Variants in GPATCH2 observed in about 807,000 individuals in gnomAD.
GPATCH2 encodes G-patch domain containing 2.
A neutral mutation model predicts 58.0 loss-of-function variants in GPATCH2; 51 were observed. That is an observed-to-expected ratio of 0.88 (90% confidence interval 0.70 to 1.11). GPATCH2 has a LOEUF of 1.11. Ranked by LOEUF, GPATCH2 falls within the 50% of genes most tolerant of loss-of-function variation. The pLI is 0.00. For synonymous variants in GPATCH2, 222 were observed against 218.5 expected, an observed-to-expected ratio of 1.02 and a Z score of -0.14; for missense variants, 625 against 652.2, an observed-to-expected ratio of 0.96 and a Z score of 0.45.
intron 9 of GPATCH2, among the ~76,000 whole-genome samples, chr1:217,445,643 C>A (rs888405083): frequency 2.0e-5 from 3 of 152,050 alleles, no homozygotes; most frequent in Non-Finnish European, 4.4e-5. Flanking sequence ...ACAAGCTATA[C>A]ATTAAAAAAA....
rs575826606 is a variant in GPATCH2, at chr1:217,598,453, A to T, written c.1098+11868T>A. Among the ~76,000 whole-genome samples, 296 of 147,034 alleles carry T rather than the reference A, an allele frequency of 2.0e-3. 1 individual carries two copies. The highest frequency in any genetic ancestry group is 7.0e-3 in the Middle Eastern group (2 of 286). ...TAAATAACCATCAACATTAAAAAAA[A>T]TTTTTTTTTTTTTGAGACAGAGTCT... On this transcript the variant is annotated intron_variant, in intron 5 of 9. Coordinates refer to ENST00000366935, the MANE Select transcript of GPATCH2 (RefSeq NM_018040.5).
rs750370424 is a variant in GPATCH2 at position 217,620,305 on chromosome 1, G to A, written c.251C>T (p.Thr84Ile). The A allele has an allele frequency of 1.7e-5, 27 of 1,613,960 alleles. No individual in the cohort carries two copies. Among genetic ancestry groups the A allele is most frequent in the Admixed American group, 3.3e-5 (2 of 59,980 alleles). ...AGAGCCTTCACTTAAGCAGTGACCA[G>A]TCTCCCACGGGTGATGCACATTATA... ...RSYNVHHPWE[T>I]GHCLSEGSDS... is the part of the protein sequence containing the mutation. Residue 84 changes from threonine to isoleucine, a missense_variant, in exon 2 of 10, where the codon ACT becomes ATT. Physicochemically the swap from Thr to Ile is moderately conservative, Grantham distance 89. Coordinates refer to ENST00000366935, the MANE Select transcript of GPATCH2 (RefSeq NM_018040.5).
At chr1:217,511,252 G>A (rs981400184) in intron 6 of GPATCH2, among the ~76,000 whole-genome samples, 6 of 152,160 alleles carry the variant, frequency 3.9e-5, no homozygotes, top group South Asian at 2.1e-4. Context: ...TTTACAGCCC[G>A]GAAAGATTTT....
At chr1:217,584,940 G>A (rs985508059) in intron 5 of GPATCH2, among the ~76,000 whole-genome samples, 1 of 150,342 alleles carries the variant, frequency 6.7e-6, no homozygotes, top group African/African-American at 2.4e-5. Flanking sequence ...GACCCAGAAA[G>A]GTAGAAAAAA....
intron 9 of GPATCH2, among the ~76,000 whole-genome samples, chr1:217,439,613 G>T (rs1659036718): frequency 6.6e-6 from 1 of 152,018 alleles, no homozygotes. Context: ...AAAATAGACT[G>T]CTAGTCAGAC....
intron 5 of GPATCH2, among the ~76,000 whole-genome samples, chr1:217,528,757 C>A (rs981405797): frequency 6.6e-6 from 1 of 152,122 alleles, no homozygotes; most frequent in Non-Finnish European, 1.5e-5. Flanking sequence ...GACAGATAGC[C>A]TGAGAGAATG....
intron 8 of GPATCH2, among the ~76,000 whole-genome samples, chr1:217,471,340 C>G (rs1343427485): frequency 6.6e-6 from 1 of 152,096 alleles, no homozygotes; most frequent in Non-Finnish European, 1.5e-5. Context: ...AACAGTTACC[C>G]TATCCTAATT....
At chr1:217,508,485 T>C (rs951877325) in intron 6 of GPATCH2, among the ~76,000 whole-genome samples, 3 of 152,114 alleles carry the variant, frequency 2.0e-5, no homozygotes, top group East Asian at 3.8e-4. Flanking sequence ...AAGTAAAATA[T>C]ATCAATTGCA....
chr1:217,630,004 A>T (rs1455871516), intron 1 of GPATCH2, among the ~76,000 whole-genome samples: 1 of 152,188 alleles, frequency 6.6e-6, no homozygotes, highest in Non-Finnish European at 1.5e-5. Context: ...CCATTTAGCC[A>T]CATTTCTTTC....
chr1:217,565,842 C>G (rs1571928833), intron 5 of GPATCH2, among the ~76,000 whole-genome samples: 2 of 152,148 alleles, frequency 1.3e-5, no homozygotes, highest in East Asian at 3.9e-4. Context: ...TGGCTCATGC[C>G]TGTAATCCCA....
At chr1:217,508,887 A>C (rs532156542) in intron 6 of GPATCH2, among the ~76,000 whole-genome samples, 3 of 152,202 alleles carry the variant, frequency 2.0e-5, no homozygotes, top group African/African-American at 4.8e-5. Flanking sequence ...AACCTATCAT[A>C]CATTAATGAT....
chr1:217,433,960 G>A (rs967326276), intron 9 of GPATCH2, among the ~76,000 whole-genome samples: 3 of 152,122 alleles, frequency 2.0e-5, no homozygotes, highest in South Asian at 2.1e-4. Context: ...TTTCAAAGCC[G>A]TTTATTAAAC....
intron 5 of GPATCH2, among the ~76,000 whole-genome samples, chr1:217,607,187 C>T (rs1366026300): frequency 6.6e-6 from 1 of 152,292 alleles, no homozygotes; most frequent in South Asian, 2.1e-4. Context: ...AATCAATACT[C>T]ACAATTTCTG....
chr1:217,464,258 A>G (rs1454592330), intron 8 of GPATCH2, among the ~76,000 whole-genome samples: 1 of 152,148 alleles, frequency 6.6e-6, no homozygotes, highest in East Asian at 1.9e-4. Flanking sequence ...CTAGCCAACA[A>G]GGTATTCCCC....
intron 5 of GPATCH2, among the ~76,000 whole-genome samples, chr1:217,524,125 G>A (rs1215639092): frequency 5.3e-5 from 8 of 150,108 alleles, no homozygotes; most frequent in African/African-American, 1.5e-4. Context: ...GGGCAGAGAC[G>A]CTCCTCACTT....
intron 6 of GPATCH2, among the ~76,000 whole-genome samples, chr1:217,508,521 C>T (rs1662675230): frequency 6.6e-6 from 1 of 151,998 alleles, no homozygotes; most frequent in South Asian, 2.1e-4. Context: ...TCATATTTAT[C>T]TCTATTTAAA....
At chr1:217,552,252 T>C (rs12032011) in intron 5 of GPATCH2, among the ~76,000 whole-genome samples, 2,559 of 152,234 alleles carry the variant, frequency 0.017, 77 homozygotes, top group East Asian at 0.14. Context: ...CAACCTCAAC[T>C]AAAGTTCAGC....
rs188164286 is a variant in GPATCH2 at position 217,441,435 on chromosome 1, C to G, written c.1366+7814G>C. 7.8e-3 allele frequency among the ~76,000 whole-genome samples: 1,188 copies of G among 152,238 alleles called. 10 individuals are homozygous for G. Among genetic ancestry groups the G allele is most frequent in the Non-Finnish European group, 0.013 (884 of 68,008 alleles). On this transcript the variant is annotated intron_variant, in intron 9 of 9. Transcript: ENST00000366935. ...TAGGCAATACCATTCAGGACAAAGG[C>G]ATGGGCAAAGACTTCATGACTAAAA...
intron 6 of GPATCH2, among the ~76,000 whole-genome samples, chr1:217,509,657 G>A (rs965390301): frequency 6.6e-6 from 1 of 152,086 alleles, no homozygotes; most frequent in African/African-American, 2.4e-5. Flanking sequence ...CAAGTATTCA[G>A]TTGGTGCCTT....
Sources: allele counts gnomAD v4.1 joint callset (sites outside exome capture counted in the v4.1 genomes callset), GRCh38; gene constraint gnomAD v4.1.1; transcripts MANE v1.5; gene names NCBI Gene and HGNC (gene_info 2026-07-23, HGNC 2026-07-21).